TMBIM6: variants seen among roughly 807,000 people sequenced by gnomAD.
The protein encoded by TMBIM6 is transmembrane BAX inhibitor motif containing 6.
A neutral mutation model predicts 31.4 loss-of-function variants in TMBIM6; 13 were observed. The ratio of observed to expected loss-of-function variants is 0.41; its 90% CI spans 0.27 to 0.66. The LOEUF is 0.66. TMBIM6 is among the 30% of genes least tolerant of loss of function. The pLI, the probability that TMBIM6 is intolerant of heterozygous loss-of-function variation, is 0.28. For missense variants in TMBIM6, 275 were observed against 289.5 expected (o/e 0.95, Z 0.36); for synonymous variants, 85 against 101.7 (o/e 0.84, Z 0.99).
At chr12:49,750,430 G>C (rs1945474286) in intron 1 of TMBIM6, among the ~76,000 whole-genome samples, 1 of 152,198 alleles carries the variant, frequency 6.6e-6, no homozygotes, top group African/African-American at 2.4e-5. Flanking sequence ...GCTGTCTAGG[G>C]ATGTCATTAG....
At position 49,758,765 on chromosome 12, in the gene TMBIM6, A is replaced by G. The variant is rs200041063; in HGVS notation, c.513+3A>G. 159 of 1,612,360 alleles carry G rather than the reference A, an allele frequency of 9.9e-5. 1 individual carries two copies. The highest frequency in any genetic ancestry group is 1.6e-4 in the Middle Eastern group (1 of 6,078). On this transcript the variant is annotated splice_donor_region_variant and intron_variant, in intron 7 of 9. Coordinates refer to ENST00000267115, the MANE Select transcript of TMBIM6 (RefSeq NM_003217.3). Reference sequence around the variant, plus strand: ...TTGGATCCATTTGGCTTTTCCAGGTAAGACTTAGCCTGGAACTTTCCAGCA... The same window carrying G: ...TTGGATCCATTTGGCTTTTCCAGGTGAGACTTAGCCTGGAACTTTCCAGCA...
chr12:49,761,737 T>C lies in TMBIM6; in HGVS notation c.648T>C (p.Thr216=), dbSNP rs755277865. Reference sequence around the variant, plus strand: ...TTGATCTCTTCTTAGATTTCATTACTGTCTTCAGAAAACTCATGATGATCC... The same window carrying C: ...TTGATCTCTTCTTAGATTTCATTACCGTCTTCAGAAAACTCATGATGATCC... The part of the protein sequence containing the change: ...HCIDLFLDFI[T]VFRKLMMILA... Residue 216 remains threonine, a synonymous_variant, in exon 9 of 10, where the codon ACT becomes ACC. Transcript: ENST00000267115. 1.2e-6 allele frequency: 2 copies of C among 1,614,150 alleles called. No homozygotes were observed. The highest frequency in any genetic ancestry group is 2.7e-5 in the African/African-American group (2 of 74,954).
chr12:49,759,019 G>A, intron 7 of TMBIM6: 4 of 627,964 alleles, frequency 6.4e-6, no homozygotes, highest in Non-Finnish European at 1.1e-5. Context: ...TAAAATGATT[G>A]AAACTCTTCC....
At chr12:49,748,111 C>G (rs1945430027) in intron 1 of TMBIM6, among the ~76,000 whole-genome samples, 1 of 152,066 alleles carries the variant, frequency 6.6e-6, no homozygotes, top group Non-Finnish European at 1.5e-5. Context: ...ACCATGTTGG[C>G]CAGGCTGGTC....
intron 4 of TMBIM6, among the ~76,000 whole-genome samples, chr12:49,756,160 GTC>G (rs1945588726): frequency 6.6e-6 from 1 of 151,348 alleles, no homozygotes; most frequent in Non-Finnish European, 1.5e-5. Flanking sequence ...TTGAGACAGT[GTC>G]TCCGTCTGTC....
In TMBIM6 at chr12:49,754,966, G is replaced by GT. The variant is rs536481165; in HGVS notation, c.166-662dup. Among the ~76,000 whole-genome samples the GT allele has an allele frequency of 6.6e-3, 1,005 of 152,010 alleles. 5 individuals carry two copies. The highest frequency in any genetic ancestry group is 8.8e-3 in the Non-Finnish European group (598 of 67,946). On this transcript the variant is annotated intron_variant, in intron 3 of 9. Transcript: ENST00000267115. ...TTGGGGGTTTTGTTTGTTGGTTTTT[G>GT]TTTTTTTGAGACGGAGTTTCACTCT...
At chr12:49,760,533 CTTTT>C (rs35862867) in intron 8 of TMBIM6, among the ~76,000 whole-genome samples, 196 of 93,526 alleles carry the variant, frequency 2.1e-3, no homozygotes, top group African/African-American at 6.6e-3. Flanking sequence ...TGCCCAGCCA[CTTTT>C]TTTTTTTTTT....
In TMBIM6 at chr12:49,758,466, A is replaced by G. The variant is rs896884257; in HGVS notation, c.419A>G (p.Tyr140Cys). ...GCACTCTATGCCAGGCGCCGTAGCTACCTCTTTCTGGGAGGTAAGTGTGAA... is the reference window on the plus strand; with the variant it reads ...GCACTCTATGCCAGGCGCCGTAGCTGCCTCTTTCTGGGAGGTAAGTGTGAA... ...LSALYARRRSYLFLGGILMSA... is the reference protein window; with the variant it reads ...LSALYARRRSCLFLGGILMSA... Residue 140 changes from tyrosine to cysteine, a missense_variant, in exon 6 of 10, where the codon TAC becomes TGC. Coordinates refer to ENST00000267115, the MANE Select transcript of TMBIM6 (RefSeq NM_003217.3). The G allele has an allele frequency of 3.1e-6, 5 of 1,613,936 alleles. No homozygotes were observed. The highest frequency in any genetic ancestry group is 1.7e-5 in the Admixed American group (1 of 59,984).
intron 1 of TMBIM6, among the ~76,000 whole-genome samples, chr12:49,746,732 A>G (rs1945401121): frequency 6.6e-6 from 1 of 152,208 alleles, no homozygotes; most frequent in Non-Finnish European, 1.5e-5. Context: ...ACTCAGTAGT[A>G]AAAACTAATG....
At chr12:49,752,652 A>G in intron 2 of TMBIM6, 103 bp downstream of exon 2, 1 of 1,001,282 alleles carries the variant, frequency 1.0e-6, no homozygotes, top group Non-Finnish European at 1.5e-6. Flanking sequence ...TAACAAATTA[A>G]CTTGGCCAGA....
chr12:49,758,417 A>G lies in TMBIM6; in HGVS notation c.370A>G (p.Ile124Val). The change falls in exon 6 of 10, where the codon ATC becomes GTC. Residue 124 changes from isoleucine (I) to valine (V), a missense_variant. Ile to Val is a conservative substitution (Grantham distance 29, BLOSUM62 3). Coordinates refer to ENST00000267115, the MANE Select transcript of TMBIM6 (RefSeq NM_003217.3). ...CACTGCTTTCATGGGCACGGCAATG[A>G]TCTTTACCTGCTTCACCCTCAGTGC... The part of the protein sequence containing the change: ...LPTAFMGTAM[I>V]FTCFTLSALY... 3 of 1,614,146 alleles carry G rather than the reference A, an allele frequency of 1.9e-6. No individual in the cohort carries two copies. Among genetic ancestry groups the G allele is most frequent in the South Asian group, 1.1e-5 (1 of 91,080 alleles).
At position 49,752,436 on chromosome 12, in the gene TMBIM6, A is replaced by G. The variant is rs200671215; in HGVS notation, c.-30-28A>G. 2.5e-5 allele frequency: 39 copies of G among 1,541,750 alleles called. No individual in the cohort carries two copies. In the Middle Eastern group the frequency reaches 6.8e-4, roughly 27 times the overall value. On this transcript the variant is annotated intron_variant, in intron 1 of 9. Transcript: ENST00000267115. ...TGTTCGTGTGATTCTGTATGACTTA[A>G]TGACTCTAACCTTTCTTTATTCTGC...
rs145906489 is a variant in TMBIM6, at chr12:49,752,384, A to C, written c.-30-80A>C. The C allele has an allele frequency of 2.0e-5, 20 of 982,728 alleles. No homozygotes were observed. In the African/African-American group the frequency reaches 2.8e-4, roughly 14 times the overall value. The allele number at this position is 982,728 out of a possible 1,614,324, so 60.9% of individuals were successfully genotyped here. A position where few individuals can be genotyped will look rare whatever the true frequency, so the allele number is the denominator to read the frequency against. On this transcript the variant is annotated intron_variant, in intron 1 of 9. Coordinates refer to ENST00000267115, the MANE Select transcript of TMBIM6 (RefSeq NM_003217.3). The stretch of plus-strand genomic sequence containing the variant: ...CAAGTTTTCATCTTTCTGAACTTAC[A>C]TGTTGCTTTTTTTTTTTTTTATAAG...
At chr12:49,749,885 G>T (rs1945464306) in intron 1 of TMBIM6, 1 of 152,126 alleles carries the variant, frequency 6.6e-6, no homozygotes, top group South Asian at 2.1e-4. Context: ...GCTTTACCAG[G>T]TTTCTTTTTT....
At chr12:49,755,897 G>T in intron 4 of TMBIM6, 142 bp downstream of exon 4, 4 of 958,214 alleles carry the variant, frequency 4.2e-6, no homozygotes, top group Non-Finnish European at 5.9e-6. Flanking sequence ...GCAGTGGCTT[G>T]ATCTTGGCTC....
intron 4 of TMBIM6, among the ~76,000 whole-genome samples, chr12:49,756,157 A>G (rs112062323): frequency 2.0e-5 from 3 of 149,960 alleles, no homozygotes; most frequent in Non-Finnish European, 3.0e-5. Context: ...TTTTTGAGAC[A>G]GTGTCTCCGT....
At chr12:49,760,064 A>G (rs909186561) in intron 8 of TMBIM6, among the ~76,000 whole-genome samples, 5 of 145,932 alleles carry the variant, frequency 3.4e-5, no homozygotes, top group African/African-American at 1.3e-4. Context: ...GTGAGCGGAG[A>G]TTGCACCACT....
chr12:49,743,823 C>G (rs1945342961), intron 1 of TMBIM6, among the ~76,000 whole-genome samples: 1 of 152,214 alleles, frequency 6.6e-6, no homozygotes, highest in Non-Finnish European at 1.5e-5. Flanking sequence ...TCAGAAGACC[C>G]CAAATCTGGT....
At chr12:49,745,134 A>G (rs1333075793) in intron 1 of TMBIM6, among the ~76,000 whole-genome samples, 8 of 152,152 alleles carry the variant, frequency 5.3e-5, no homozygotes, top group Admixed American at 4.6e-4. Flanking sequence ...AGTTGAATGA[A>G]ACAATTCCTT....
Sources: allele counts gnomAD v4.1 joint callset (sites outside exome capture counted in the v4.1 genomes callset), GRCh38; gene constraint gnomAD v4.1.1; transcripts MANE v1.5; gene names NCBI Gene and HGNC (gene_info 2026-07-23, HGNC 2026-07-21).